The following NLRC3 variants were observed in gnomAD, a reference collection of about 807,000 sequenced individuals.
NLRC3 encodes NLR family CARD domain-containing protein 3.
A neutral mutation model predicts 91.6 loss-of-function variants in NLRC3; 87 were observed. That is an observed-to-expected ratio of 0.95 (90% CI 0.80 to 1.14). The LOEUF (loss-of-function observed/expected upper bound fraction) is 1.14. NLRC3 is among the 50% of genes most tolerant of loss of function. The pLI, the probability that NLRC3 is intolerant of heterozygous loss-of-function variation, is 0.00. For synonymous variants in NLRC3, 694 were observed against 625.3 expected (o/e 1.11, Z -1.64); for missense variants, 1,577 against 1,418.6 (o/e 1.11, Z -1.79).
rs2038857916 is a variant in NLRC3, at chr16:3,549,113, C to T, written c.2603+29G>A. On this transcript the variant is annotated intron_variant, in intron 13 of 19. Transcript: ENST00000359128. ...TGGGTGTGGTCATGGCATGAACAGC[C>T]TGTGGAGTCACAGGCCCCCACCACG... 4.0e-6 allele frequency: 6 copies of T among 1,497,540 alleles called. No individual in the cohort carries two copies. In the East Asian group the frequency reaches 1.2e-4, roughly 30 times the overall value. 92.8% of individuals were successfully genotyped at this position (1,497,540 alleles called of 1,614,324 possible). A position where few individuals can be genotyped will look rare whatever the true frequency, so the allele number is the denominator to read the frequency against.
rs752868368 is a variant in NLRC3, at chr16:3,561,750, A to G, written c.1967T>C (p.Leu656Pro). The G allele has an allele frequency of 1.2e-6, 2 of 1,613,688 alleles. No individual in the cohort carries two copies. The highest frequency in any genetic ancestry group is 8.5e-7 in the Non-Finnish European group (1 of 1,179,776). The change falls in exon 6 of 20, where the codon CTG becomes CCG. Residue 656 changes from leucine to proline, a missense_variant. Physicochemically the swap from Leu to Pro is moderately conservative, Grantham distance 98. Transcript: ENST00000359128. ...CTTCCCACTCAGCACGCTGCCCAGC[A>G]GCTCCATCACGGGGTCCTGGAACTG... is the stretch of plus-strand genomic sequence containing the variant. Reference protein sequence around the residue: ...TNQFQDPVMELLGSVLSGKDC... With the variant: ...TNQFQDPVMEPLGSVLSGKDC...
At chr16:3,565,159 C>T (rs1456097683) in intron 3 of NLRC3, 99 bp from the exon 4 acceptor site, 4 of 901,252 alleles carry the variant, frequency 4.4e-6, no homozygotes, top group Non-Finnish European at 6.9e-6. Context: ...GGGATCCCCT[C>T]TTCCTCTTTC....
intron 6 of NLRC3, among the ~76,000 whole-genome samples, chr16:3,557,924 C>A (rs1480730382): frequency 6.6e-6 from 1 of 152,162 alleles, no homozygotes; most frequent in Non-Finnish European, 1.5e-5. Context: ...AAAGTTTAAC[C>A]AGAATCCAGC....
In NLRC3 at chr16:3,544,434, T is replaced by C. The variant is rs539546612; in HGVS notation, c.2772-105A>G. The C allele has an allele frequency of 5.3e-4, 394 of 748,586 alleles. 4 individuals are homozygous for C. The African/African-American group carries it at 6.0e-3, about 11-fold the overall frequency. The allele number at this position is 748,586 out of a possible 1,614,324, so 46.4% of individuals were successfully genotyped here. A position where few individuals can be genotyped will look rare whatever the true frequency, so the allele number is the denominator to read the frequency against. ...CAGGTTTAACCGACTACACACACCATAGACACTCCCAGGGTTTCCTGGGGA... is the reference window on the plus strand; with the variant it reads ...CAGGTTTAACCGACTACACACACCACAGACACTCCCAGGGTTTCCTGGGGA... On this transcript the variant is annotated intron_variant, in intron 15 of 19. Coordinates refer to ENST00000359128, the MANE Select transcript of NLRC3 (RefSeq NM_178844.4).
intron 3 of NLRC3, 82 bp from the exon 4 acceptor site, chr16:3,565,142 G>A (rs1004140581): frequency 1.2e-5 from 13 of 1,065,580 alleles, no homozygotes; most frequent in South Asian, 7.1e-5. Context: ...CCCCAGGAAC[G>A]GGGTCAGGGA....
rs2039819919 is a variant in NLRC3 at position 3,565,079 on chromosome 16, A to G, written c.-24-19T>C. 1.3e-6 allele frequency: 2 copies of G among 1,580,370 alleles called. No homozygotes were observed. Among genetic ancestry groups the G allele is most frequent in the African/African-American group, 2.7e-5 (2 of 74,616 alleles). On this transcript the variant is annotated intron_variant, in intron 3 of 19. Transcript: ENST00000359128. ...CCAGGAGCTGTGAAGAGAGGGCCTG[A>G]ACCTGCTGCCTGCCGTGCCCCCCAT...
At chr16:3,557,734 T>C in intron 6 of NLRC3, 58 bp from the exon 7 acceptor site, 1 of 1,061,848 alleles carries the variant, frequency 9.4e-7, no homozygotes, top group African/African-American at 1.6e-5. Context: ...CATGGCCTCT[T>C]CCTCAACGCT....
rs758339779 is a variant in NLRC3 at position 3,564,540 on chromosome 16, G to A, written c.397C>T (p.Arg133Trp). 47 of 1,611,956 alleles carry A rather than the reference G, an allele frequency of 2.9e-5. No homozygotes were observed. The highest frequency in any genetic ancestry group is 2.5e-4 in the East Asian group (11 of 44,870). ...ALDRLFLPLS[R>W]VSVPPRVSIT... ...GAGACCCGGGGTGGGACAGACACCCGGGAGAGAGGCAGGAAGAGCCGGTCC... is the reference window on the plus strand; with the variant it reads ...GAGACCCGGGGTGGGACAGACACCCAGGAGAGAGGCAGGAAGAGCCGGTCC... Residue 133 changes from arginine (R) to tryptophan (W), a missense_variant, in exon 5 of 20, where the codon CGG (arginine) becomes TGG (tryptophan). By Grantham distance (101) the Arg-to-Trp change is moderately radical (BLOSUM62 -3). Coordinates refer to ENST00000359128, the MANE Select transcript of NLRC3 (RefSeq NM_178844.4). The surrounding 1 kb of genome is among the most constrained non-coding windows in gnomAD (Gnocchi z 5.9).
rs575072612 is a variant in NLRC3, at chr16:3,568,242, T to C, written c.-168-918A>G. Reference sequence around the variant, plus strand: ...TAAAGTAAAAATAAGTAAAATACCATTTTTCAGGCATTCAGGTCATGGTGT... The same window carrying C: ...TAAAGTAAAAATAAGTAAAATACCACTTTTCAGGCATTCAGGTCATGGTGT... On this transcript the variant is annotated intron_variant, in intron 1 of 19. Coordinates refer to ENST00000359128, the MANE Select transcript of NLRC3 (RefSeq NM_178844.4). 5.3e-5 allele frequency among the ~76,000 whole-genome samples: 8 copies of C among 152,266 alleles called. No homozygotes were observed. In the East Asian group the frequency reaches 1.5e-3, roughly 29 times the overall value.
rs1247152632 is a variant in NLRC3 at position 3,550,427 on chromosome 16, G to A, written c.2422C>T (p.Leu808=). 1.2e-6 allele frequency: 2 copies of A among 1,611,750 alleles called. No individual in the cohort carries two copies. The highest frequency in any genetic ancestry group is 1.7e-5 in the Admixed American group (1 of 60,012). ...LAEALKVNQG[L]ESLDLQSNSI... Reference sequence around the variant, plus strand: ...AGGTGGACTCACTCCAGGCTCTCCAGGCCCTGGTTCACCTTCAGGGCCTCA... The same window carrying A: ...AGGTGGACTCACTCCAGGCTCTCCAAGCCCTGGTTCACCTTCAGGGCCTCA... Residue 808 remains leucine (L), a synonymous_variant, in exon 11 of 20, where the codon CTG becomes TTG. Coordinates refer to ENST00000359128, the MANE Select transcript of NLRC3 (RefSeq NM_178844.4).
chr16:3,563,847 A>G lies in NLRC3; in HGVS notation c.1090T>C (p.Tyr364His), dbSNP rs371134904. Residue 364 changes from tyrosine to histidine, a missense_variant, in exon 5 of 20, where the codon TAC (tyrosine) becomes CAC (histidine). Physicochemically the swap from Tyr to His is moderately conservative, Grantham distance 83. Transcript: ENST00000359128. ...LWPPRTLCEL[Y>H]SWYFRMALSG... is the part of the protein sequence containing the mutation. ...AGGGCCATCCTAAAGTACCATGAGT[A>G]GAGCTCGCACAGGGTCCTCGGGGGC... 29 of 1,607,110 alleles carry G rather than the reference A, an allele frequency of 1.8e-5. No homozygotes were observed. The African/African-American group carries it at 3.7e-4, about 21-fold the overall frequency.
At chr16:3,562,982 G>GCCCCTGC in intron 5 of NLRC3, 27 bp downstream of exon 5, 1 of 1,542,806 alleles carries the variant, frequency 6.5e-7, no homozygotes, top group Middle Eastern at 1.7e-4. Context: ...CCCTTCCCCA[G>GCCCCTGC]CCCCTGCCCC....
chr16:3,554,397 AG>A, intron 8 of NLRC3, 72 bp from the exon 9 acceptor site: 1 of 1,133,690 alleles, frequency 8.8e-7, no homozygotes, highest in Admixed American at 1.9e-5. Flanking sequence ...CTCTCTCTGC[AG>A]TGGGGGCACC....
chr16:3,569,388 ATATATATTATTTT>A (rs1567153857), intron 1 of NLRC3, among the ~76,000 whole-genome samples: 1 of 104,122 alleles, frequency 9.6e-6, no homozygotes, highest in African/African-American at 4.6e-5. Flanking sequence ...ATATATATAT[ATATATATTATTTT>A]TTTTTTTTTT....
rs1356428418 is a variant in NLRC3 at position 3,563,830 on chromosome 16, C to T, written c.1107G>A (p.Arg369=). 1.1e-5 allele frequency: 17 copies of T among 1,608,680 alleles called. No individual in the cohort carries two copies. The African/African-American group carries it at 1.7e-4, about 16-fold the overall frequency. ...CCTGCCCCTCCCCGCTGAGGGCCAT[C>T]CTAAAGTACCATGAGTAGAGCTCGC... ...TLCELYSWYF[R]MALSGEGQEK... The change falls in exon 5 of 20, where the codon AGG becomes AGA. Residue 369 remains arginine (R), a synonymous_variant. Transcript: ENST00000359128.
At position 3,540,648 on chromosome 16, in the gene NLRC3, C is replaced by CA. The variant is rs2038357307; in HGVS notation, c.*1176dup. On this transcript the variant is annotated 3_prime_UTR_variant, in exon 20 of 20. Transcript: ENST00000359128. Reference sequence around the variant, plus strand: ...TGAAACCCCATCTCTACTAAAAATACAAAAATTAGCTGGGTGTGGTGGTGC... The same window carrying CA: ...TGAAACCCCATCTCTACTAAAAATACAAAAAATTAGCTGGGTGTGGTGGTGC... 6.6e-6 allele frequency: 1 copy of CA among 152,090 alleles called. No homozygotes were observed. Among genetic ancestry groups the CA allele is most frequent in the South Asian group, 2.1e-4 (1 of 4,820 alleles). 9.4% of individuals were successfully genotyped at this position (152,090 alleles called of 1,614,324 possible).
At chr16:3,542,001 A>T in intron 19 of NLRC3, 86 bp from the exon 20 acceptor site, 1 of 865,036 alleles carries the variant, frequency 1.2e-6, no homozygotes, top group Non-Finnish European at 1.9e-6. Flanking sequence ...GCAGGACCCC[A>T]TGCAAAGCCT....
At chr16:3,565,195 C>A in intron 3 of NLRC3, 124 bp downstream of exon 3, 2 of 730,038 alleles carry the variant, frequency 2.7e-6, no homozygotes, top group Non-Finnish European at 2.4e-6. Flanking sequence ...GCCCACTGGC[C>A]TGGCCTCTGA....
chr16:3,542,888 CA>C (rs1225883771), intron 17 of NLRC3, 113 bp from the exon 18 acceptor site: 2 of 681,150 alleles, frequency 2.9e-6, no homozygotes, highest in African/African-American at 1.8e-5. Flanking sequence ...CTTCAGCAGT[CA>C]CAGGAGGCCA....
Sources: allele counts gnomAD v4.1 joint callset (sites outside exome capture counted in the v4.1 genomes callset), GRCh38; gene constraint gnomAD v4.1.1; non-coding constraint Gnocchi (gnomAD v3.1); transcripts MANE v1.5; gene names NCBI Gene and HGNC (gene_info 2026-07-23, HGNC 2026-07-21).